Variants in TNS1 observed in about 807,000 individuals in gnomAD.
TNS1 encodes the protein tensin-1.
Under a neutral mutation model 168.6 loss-of-function variants are expected in TNS1, and 62 were observed. That is an observed-to-expected ratio of 0.37 (90% CI 0.30 to 0.45). The LOEUF is 0.45. Among genes scored for constraint, TNS1 ranks in the 20% least tolerant of loss-of-function variants. The pLI, the probability that TNS1 is intolerant of heterozygous loss-of-function variation, is 1.00. For synonymous variants in TNS1, 934 were observed against 933.2 expected, an observed-to-expected ratio of 1.00 and a Z score of -0.02; for missense variants, 2,240 against 2,339.4, an observed-to-expected ratio of 0.96 and a Z score of 0.88.
chr2:217,921,273 A>G (rs1461473592), intron 3 of TNS1, among the ~76,000 whole-genome samples: 3 of 152,202 alleles, frequency 2.0e-5, no homozygotes, highest in Non-Finnish European at 2.9e-5. Context: ...ACAGAGTGGG[A>G]GACTGTCCCT....
intron 3 of TNS1, among the ~76,000 whole-genome samples, chr2:217,927,134 C>T (rs1378252358): frequency 6.6e-6 from 1 of 152,180 alleles, no homozygotes; most frequent in Non-Finnish European, 1.5e-5. Flanking sequence ...ATGCCTGGCT[C>T]AGAGCCTGAT....
At position 217,893,549 on chromosome 2, in the gene TNS1, C is replaced by A; in HGVS notation, c.607G>T (p.Gly203Cys). The change falls in exon 10 of 33, where the codon GGC becomes TGC. Residue 203 changes from glycine to cysteine, a missense_variant. Physicochemically the swap from Gly to Cys is radical, Grantham distance 159 (BLOSUM62 -3). Coordinates refer to ENST00000682258, the MANE Select transcript of TNS1 (RefSeq NM_001387777.1). ...TKLHAKVLEF[G>C]WPDLHTPALE... ...GCTGGGGTGTGGAGGTCGGGCCAGC[C>A]AAATTCCAGTACCTGTGGCCCAAGC... 6.2e-7 allele frequency: 1 copy of A among 1,610,940 alleles called. No individual in the cohort carries two copies. The highest frequency in any genetic ancestry group is 1.1e-5 in the South Asian group (1 of 90,548).
At chr2:218,012,279 T>G (rs1189716513), upstream of TNS1, among the ~76,000 whole-genome samples, 2 of 152,152 alleles carry the variant, frequency 1.3e-5, no homozygotes, top group Non-Finnish European at 2.9e-5. Flanking sequence ...ATTCAGACAA[T>G]ATTGGCTAAA....
intron 3 of TNS1, among the ~76,000 whole-genome samples, chr2:217,936,500 C>T (rs1157385179): frequency 6.6e-6 from 1 of 152,096 alleles, no homozygotes; most frequent in Non-Finnish European, 1.5e-5. Context: ...GATGAAGTGA[C>T]TTGGGAGAGG....
intron 6 of TNS1, among the ~76,000 whole-genome samples, chr2:217,900,918 T>G (rs900162359): frequency 6.6e-6 from 1 of 152,188 alleles, no homozygotes; most frequent in South Asian, 2.1e-4. Context: ...ATGAGAGTAA[T>G]GGCGCCCCTC....
intron 3 of TNS1, among the ~76,000 whole-genome samples, chr2:217,965,305 C>G (rs759948984): frequency 6.6e-6 from 1 of 152,210 alleles, no homozygotes. Flanking sequence ...ACCAACCTTG[C>G]AAGGTCAGCA....
upstream of TNS1, among the ~76,000 whole-genome samples, chr2:218,006,937 GA>G (rs1553626823): frequency 6.6e-6 from 1 of 152,184 alleles, no homozygotes; most frequent in East Asian, 1.9e-4. Context: ...ACTGCGTCAA[GA>G]AAGGTGGCGT....
At chr2:217,929,978 C>T (rs1956236389) in intron 3 of TNS1, among the ~76,000 whole-genome samples, 1 of 152,248 alleles carries the variant, frequency 6.6e-6, no homozygotes, top group South Asian at 2.1e-4. Flanking sequence ...TGTCACTTCT[C>T]TGCCTAAAGT....
upstream of TNS1, among the ~76,000 whole-genome samples, chr2:218,004,713 C>T (rs558685035): frequency 7.9e-5 from 12 of 152,266 alleles, no homozygotes; most frequent in Admixed American, 2.6e-4. Context: ...GTCTTTGTTC[C>T]GGTAGAGGAG....
chr2:217,994,978 TGAG>T (rs1958441850), intron 1 of TNS1, among the ~76,000 whole-genome samples: 1 of 151,682 alleles, frequency 6.6e-6, no homozygotes, highest in Non-Finnish European at 1.5e-5. Context: ...CACATGAAAA[TGAG>T]GAGTTTGGAC....
chr2:217,960,917 G>A (rs561606729), intron 3 of TNS1, among the ~76,000 whole-genome samples: 7 of 152,170 alleles, frequency 4.6e-5, no homozygotes, highest in African/African-American at 1.4e-4. Context: ...ACCACTCTGA[G>A]CCTCAGTTTC....
chr2:217,982,048 C>T (rs1958064377), intron 2 of TNS1, among the ~76,000 whole-genome samples: 1 of 152,208 alleles, frequency 6.6e-6, no homozygotes, highest in Non-Finnish European at 1.5e-5. Flanking sequence ...TGAGGCTAAA[C>T]CATAAAAGAC....
intron 1 of TNS1, among the ~76,000 whole-genome samples, chr2:217,991,543 T>C (rs543174600): frequency 2.0e-5 from 3 of 152,190 alleles, no homozygotes; most frequent in African/African-American, 7.2e-5. Context: ...TTTTTAAACC[T>C]CCTCAAGATG....
Position 217,821,906 on chromosome 2 carries a change from T to C in TNS1, c.3406A>G (p.Thr1136Ala), listed in dbSNP as rs773961481. The change falls in exon 23 of 33, where the codon ACA becomes GCA. Residue 1136 changes from threonine (T) to alanine (A), a missense_variant. This residue lies in a region of TNS1 where 2,131 missense variants were observed against 2,171.2 expected (regional missense o/e 0.98). Transcript: ENST00000682258. ...PRSYVESVAR[T>A]AVAGPRAQDS... ...TGAGCTCGGGGTCCAGCCACCGCTG[T>C]CCGTGCCACAGACTCCACATAGCTC... The C allele has an allele frequency of 1.3e-6, 2 of 1,589,100 alleles. No homozygotes were observed. Among genetic ancestry groups the C allele is most frequent in the African/African-American group, 2.7e-5 (2 of 74,060 alleles).
chr2:217,976,304 G>A (rs968522873), intron 3 of TNS1, among the ~76,000 whole-genome samples: 1 of 152,212 alleles, frequency 6.6e-6, no homozygotes, highest in African/African-American at 2.4e-5. Context: ...GCAGGGGATG[G>A]ACAAGATGAC....
rs530501870 is a variant in TNS1, at chr2:217,943,424, C to A, written c.187-23188G>T. ...GAGATGAAGAAGAAAAAATACTCAT[C>A]CCCCTGCAATGGGCAGGCAAGTAGC... On this transcript the variant is annotated intron_variant, in intron 3 of 32. Coordinates refer to ENST00000682258, the MANE Select transcript of TNS1 (RefSeq NM_001387777.1). Among the ~76,000 whole-genome samples the A allele has an allele frequency of 7.9e-5, 12 of 152,286 alleles. No individual in the cohort carries two copies. In the South Asian group the frequency reaches 2.5e-3, roughly 32 times the overall value.
At chr2:217,943,152 C>T (rs908181080) in intron 3 of TNS1, among the ~76,000 whole-genome samples, 2 of 152,122 alleles carry the variant, frequency 1.3e-5, no homozygotes, top group African/African-American at 4.8e-5. Context: ...GCCATTTCTG[C>T]CCAGAGGGGT....
At chr2:218,016,882 C>G (rs571501885) in intron 1 of TNS1, among the ~76,000 whole-genome samples, 15 of 152,234 alleles carry the variant, frequency 9.9e-5, no homozygotes, top group African/African-American at 3.6e-4. Flanking sequence ...GTGGGAGGCT[C>G]CTGAGCATCC....
chr2:217,889,103 A>C (rs1287117180), intron 12 of TNS1, among the ~76,000 whole-genome samples: 1 of 152,222 alleles, frequency 6.6e-6, no homozygotes, highest in Non-Finnish European at 1.5e-5. Flanking sequence ...TTGACCAATC[A>C]TTCTTTCTTC....
Sources: gnomAD v4.1 joint callset for allele counts (sites outside exome capture counted in the v4.1 genomes callset) on GRCh38, gnomAD v4.1.1 for gene constraint, gnomAD v4.1.1 regional missense constraint, MANE v1.5 for transcripts, NCBI Gene and HGNC (gene_info 2026-07-23, HGNC 2026-07-21) for gene names.